Variants in HEBP2 observed in about 807,000 individuals in gnomAD.
The protein encoded by HEBP2 is heme-binding protein 2.
Under a neutral mutation model 23.1 loss-of-function variants are expected in HEBP2, and 27 were observed. The ratio of observed to expected loss-of-function variants is 1.17; its 90% CI spans 0.86 to 1.61. HEBP2 has a LOEUF of 1.61. HEBP2 is among the 40% of genes most tolerant of loss of function. HEBP2 has a pLI of 0.00. For missense variants in HEBP2, 245 were observed against 253.8 expected, an observed-to-expected ratio of 0.97 and a Z score of 0.24; for synonymous variants, 99 against 95.1, an observed-to-expected ratio of 1.04 and a Z score of -0.24.
In HEBP2 at chr6:138,417,266, A is replaced by G. The variant is rs1045976582; in HGVS notation, c.*4188A>G. On this transcript the variant is annotated 3_prime_UTR_variant, in exon 4 of 4. Coordinates refer to ENST00000607197, the MANE Select transcript of HEBP2 (RefSeq NM_014320.3). ...CCTTGGCAGGCAGAATAACCCCTAC[A>G]TTTGTTCCTTGACCTGTGGGGAAAG... 1 of 152,126 alleles carries G rather than the reference A, an allele frequency of 6.6e-6. No homozygotes were observed. The highest frequency in any genetic ancestry group is 1.5e-5 in the Non-Finnish European group (1 of 68,020). 9.4% of individuals were successfully genotyped at this position (152,126 alleles called of 1,614,324 possible). A position where few individuals can be genotyped will look rare whatever the true frequency, so the allele number is the denominator to read the frequency against.
chr6:138,409,421 G>A (rs1774706170), intron 3 of HEBP2, among the ~76,000 whole-genome samples: 1 of 152,170 alleles, frequency 6.6e-6, no homozygotes. Context: ...TCAGGGTTTT[G>A]TTCCCTCCTC....
intron 3 of HEBP2, 106 bp downstream of exon 3, chr6:138,406,257 A>G: frequency 1.1e-6 from 1 of 947,340 alleles, no homozygotes; most frequent in South Asian, 1.6e-5. Flanking sequence ...CCTTCCATAA[A>G]ATCAGGTCTA....
intron 3 of HEBP2, among the ~76,000 whole-genome samples, chr6:138,406,864 C>T (rs764802871): frequency 2.0e-4 from 30 of 151,958 alleles, no homozygotes; most frequent in Non-Finnish European, 1.6e-4. Flanking sequence ...CCATCTCTAC[C>T]AAATGTATAT....
In HEBP2 at chr6:138,406,097, C is replaced by CT. The variant is rs1774640561; in HGVS notation, c.368dup (p.Leu123PhefsTer8). The CT allele has an allele frequency of 1.2e-6, 2 of 1,614,002 alleles. No individual in the cohort carries two copies. Among genetic ancestry groups the CT allele is most frequent in the Admixed American group, 1.7e-5 (1 of 60,006 alleles). On this transcript the variant is annotated frameshift_variant, in exon 3 of 4. Coordinates refer to ENST00000607197, the MANE Select transcript of HEBP2 (RefSeq NM_014320.3). LOFTEE classifies it high-confidence loss of function. Reference sequence around the variant, plus strand: ...GAACAGCAATTTGATCCACCCAGGCCTTTAGAGTCAGATGTCTTCATTGAA... The same window carrying CT: ...GAACAGCAATTTGATCCACCCAGGCCTTTTAGAGTCAGATGTCTTCATTGAA...
Position 138,412,928 on chromosome 6 carries a change from G to T in HEBP2, c.468G>T (p.Leu156Phe). The T allele has an allele frequency of 6.2e-7, 1 of 1,614,090 alleles. No homozygotes were observed. The highest frequency in any genetic ancestry group is 8.5e-7 in the Non-Finnish European group (1 of 1,180,006). Residue 156 changes from leucine (L) to phenylalanine (F), a missense_variant, in exon 4 of 4, where the codon TTG (leucine) becomes TTT (phenylalanine). Physicochemically the swap from Leu to Phe is conservative, Grantham distance 22. Coordinates refer to ENST00000607197, the MANE Select transcript of HEBP2 (RefSeq NM_014320.3). Reference protein sequence around the residue: ...SSAQKNQEQLLTLASILREDG... With the variant: ...SSAQKNQEQLFTLASILREDG... ...CCCAAAAGAATCAAGAACAACTTTT[G>T]ACATTAGCAAGCATTTTAAGGGAAG...
chr6:138,409,976 C>CTT (rs1774716276), intron 3 of HEBP2, among the ~76,000 whole-genome samples: 1 of 152,184 alleles, frequency 6.6e-6, no homozygotes, highest in Non-Finnish European at 1.5e-5. Flanking sequence ...ATGTAAAACA[C>CTT]TTGGAACATG....
intron 3 of HEBP2, among the ~76,000 whole-genome samples, chr6:138,407,230 A>G (rs563585982): frequency 6.6e-6 from 1 of 152,316 alleles, no homozygotes; most frequent in South Asian, 2.1e-4. Context: ...GGCTCAAGGT[A>G]CAGTTCATCC....
rs1304645915 is a variant in HEBP2, at chr6:138,413,632, T to C, written c.*554T>C. The C allele has an allele frequency of 6.5e-6, 1 of 152,688 alleles. No homozygotes were observed. Among genetic ancestry groups the C allele is most frequent in the East Asian group, 1.9e-4 (1 of 5,198 alleles). The allele number at this position is 152,688 out of a possible 1,614,324, so 9.5% of individuals were successfully genotyped here. ...TCCATGTAACTCCATTTAAATGTAA[T>C]GAATTCATTCCTTTCTTTCTGGTCT... On this transcript the variant is annotated 3_prime_UTR_variant, in exon 4 of 4. Transcript: ENST00000607197.
At chr6:138,405,046 A>G (rs6919872) in intron 1 of HEBP2, 99 bp from the exon 2 acceptor site, 6 of 1,342,900 alleles carry the variant, frequency 4.5e-6, no homozygotes, top group Non-Finnish European at 6.2e-6. Flanking sequence ...CCTAGACAGG[A>G]CGGCTCCAGG....
rs185007643 is a variant in HEBP2, at chr6:138,416,741, G to T, written c.*3663G>T. The T allele has an allele frequency of 6.6e-6, 1 of 152,216 alleles. No individual in the cohort carries two copies. Among genetic ancestry groups the T allele is most frequent in the African/African-American group, 2.4e-5 (1 of 41,538 alleles). 9.4% of individuals were successfully genotyped at this position (152,216 alleles called of 1,614,324 possible). A position where few individuals can be genotyped will look rare whatever the true frequency, so the allele number is the denominator to read the frequency against. On this transcript the variant is annotated 3_prime_UTR_variant, in exon 4 of 4. Coordinates refer to ENST00000607197, the MANE Select transcript of HEBP2 (RefSeq NM_014320.3). The stretch of plus-strand genomic sequence containing the variant: ...AGTTGGTAGAACAAGGCATTCCTAG[G>T]GACAAAAGAGCTGACTAATCAACAA...
Position 138,404,386 on chromosome 6 carries a change from T to G in HEBP2, c.-110T>G, listed in dbSNP as rs1377218181. 1 of 666,138 alleles carries G rather than the reference T, an allele frequency of 1.5e-6. No homozygotes were observed. The highest frequency in any genetic ancestry group is 1.9e-5 in the African/African-American group (1 of 52,300). 41.3% of individuals were successfully genotyped at this position (666,138 alleles called of 1,614,324 possible). On this transcript the variant is annotated 5_prime_UTR_variant, in exon 1 of 4. Coordinates refer to ENST00000607197, the MANE Select transcript of HEBP2 (RefSeq NM_014320.3). ...CCCGGCCGGGAGGAGGGACCGGGTC[T>G]GCGGAGCGGGGACTCGGGGCCTCGG...
At chr6:138,407,483 G>A (rs1320614533) in intron 3 of HEBP2, among the ~76,000 whole-genome samples, 1 of 152,222 alleles carries the variant, frequency 6.6e-6, no homozygotes, top group Non-Finnish European at 1.5e-5. Context: ...CTGAACAGAG[G>A]TTGGGCCCCC....
chr6:138,404,667 C>A, intron 1 of HEBP2, 70 bp downstream of exon 1: 1 of 985,228 alleles, frequency 1.0e-6, no homozygotes, highest in South Asian at 4.2e-5. Flanking sequence ...GCCAGCGGGT[C>A]CCATAGAGTT....
Position 138,404,462 on chromosome 6 carries a change from G to T in HEBP2, c.-34G>T. On this transcript the variant is annotated 5_prime_UTR_variant, in exon 1 of 4. Transcript: ENST00000607197. Reference sequence around the variant, plus strand: ...GGCCCGGGGTGCGGGGCCTCTGCGCGGCTGACCAGGCTCCCAGAGCGTCAG... The same window carrying T: ...GGCCCGGGGTGCGGGGCCTCTGCGCTGCTGACCAGGCTCCCAGAGCGTCAG... 2 of 1,242,686 alleles carry T rather than the reference G, an allele frequency of 1.6e-6. No individual in the cohort carries two copies. Among genetic ancestry groups the T allele is most frequent in the Non-Finnish European group, 2.0e-6 (2 of 991,248 alleles). The allele number at this position is 1,242,686 out of a possible 1,614,324, so 77.0% of individuals were successfully genotyped here.
chr6:138,405,849 A>G (rs1250678387), intron 2 of HEBP2, 122 bp from the exon 3 acceptor site: 3 of 836,174 alleles, frequency 3.6e-6, no homozygotes, highest in African/African-American at 1.7e-5. Context: ...GATGAAAATT[A>G]TCTTAAAGGT....
rs574936774 is a variant in HEBP2, at chr6:138,416,676, G to A, written c.*3598G>A. 6.6e-5 allele frequency: 10 copies of A among 152,328 alleles called. No homozygotes were observed. The highest frequency in any genetic ancestry group is 1.3e-4 in the Non-Finnish European group (9 of 68,060). 9.4% of individuals were successfully genotyped at this position (152,328 alleles called of 1,614,324 possible). A position where few individuals can be genotyped will look rare whatever the true frequency, so the allele number is the denominator to read the frequency against. On this transcript the variant is annotated 3_prime_UTR_variant, in exon 4 of 4. Coordinates refer to ENST00000607197, the MANE Select transcript of HEBP2 (RefSeq NM_014320.3). The stretch of plus-strand genomic sequence containing the variant: ...TCCTGTTAACCACTAAGCTCCAAAT[G>A]GCAGCCGAGGGGTCCTGACCTGTAA...
Position 138,418,998 on chromosome 6 carries a change from T to C in HEBP2, c.*5920T>C, listed in dbSNP as rs556368748. On this transcript the variant is annotated 3_prime_UTR_variant, in exon 4 of 4. Coordinates refer to ENST00000607197, the MANE Select transcript of HEBP2 (RefSeq NM_014320.3). ...TGGGCATATGGAGTGAACACAGAAG[T>C]TGAAAAACTGTATCACATGTTAATG... is the stretch of plus-strand genomic sequence containing the variant. 2 of 151,882 alleles carry C rather than the reference T, an allele frequency of 1.3e-5. No homozygotes were observed. Among genetic ancestry groups the C allele is most frequent in the African/African-American group, 4.8e-5 (2 of 41,404 alleles). The allele number at this position is 151,882 out of a possible 1,614,324, so 9.4% of individuals were successfully genotyped here.
In HEBP2 at chr6:138,404,612, G is replaced by C. The variant is rs990025459; in HGVS notation, c.102+15G>C. 158 of 1,260,978 alleles carry C rather than the reference G, an allele frequency of 1.3e-4. No homozygotes were observed. The highest frequency in any genetic ancestry group is 1.4e-4 in the Non-Finnish European group (142 of 1,000,540). 78.1% of individuals were successfully genotyped at this position (1,260,978 alleles called of 1,614,324 possible). A position where few individuals can be genotyped will look rare whatever the true frequency, so the allele number is the denominator to read the frequency against. ...CCGGCCCCCAGGTAGGCGCCGACTC[G>C]GGAGCGGAGGGGCTGGGCCCGCCTT... On this transcript the variant is annotated intron_variant, in intron 1 of 3. Transcript: ENST00000607197.
At chr6:138,403,601 TC>T, upstream of HEBP2, 3 of 456,088 alleles carry the variant, frequency 6.6e-6, no homozygotes, top group Non-Finnish European at 1.2e-5. Context: ...CCGTGCCGGG[TC>T]CCCGCCGCAG....
Sources: gnomAD v4.1 joint callset for allele counts (sites outside exome capture counted in the v4.1 genomes callset) on GRCh38, gnomAD v4.1.1 for gene constraint, MANE v1.5 for transcripts, NCBI Gene and HGNC (gene_info 2026-07-23, HGNC 2026-07-21) for gene names.